Variants in DOCK10 observed in about 807,000 individuals in gnomAD.
DOCK10 encodes the protein dedicator of cytokinesis protein 10.
DOCK10 carries 145 observed loss-of-function variants against 280.1 expected under a neutral mutation model. The observed-to-expected ratio is 0.52, with a 90% confidence interval of 0.45 to 0.59. DOCK10 has a LOEUF of 0.59. Among genes scored for constraint, DOCK10 ranks in the 20% least tolerant of loss-of-function variants. The pLI is 0.00. For synonymous variants in DOCK10, 915 were observed against 942.2 expected (o/e 0.97, Z 0.53); for missense variants, 2,368 against 2,651.7 (o/e 0.89, Z 2.35).
At position 224,830,533 on chromosome 2, in the gene DOCK10, G is replaced by A. The variant is rs139748043; in HGVS notation, c.3036+8C>T. 2.1e-4 allele frequency: 291 copies of A among 1,394,618 alleles called. 1 individual carries two copies. The East Asian group carries it at 7.3e-3, about 35-fold the overall frequency. The allele number at this position is 1,394,618 out of a possible 1,614,324, so 86.4% of individuals were successfully genotyped here. On this transcript the variant is annotated splice_region_variant and intron_variant, in intron 27 of 55. Coordinates refer to ENST00000258390, the MANE Select transcript of DOCK10 (RefSeq NM_014689.3). ...AATATTATAATATTATATTACTTAT[G>A]TTCTTACCTGGATTTTATTTGTGTC... is the stretch of plus-strand genomic sequence containing the variant.
intron 55 of DOCK10, chr2:224,768,842 C>T (rs1690227160): frequency 2.2e-6 from 1 of 454,834 alleles, no homozygotes; most frequent in South Asian, 1.6e-5. Flanking sequence ...CCACAGAGGA[C>T]AGAGTAGACA....
intron 1 of DOCK10, chr2:224,982,415 T>C (rs1705798225): frequency 1.6e-6 from 2 of 1,231,262 alleles, no homozygotes; most frequent in Non-Finnish European, 2.0e-6. Flanking sequence ...TGATGCTATG[T>C]TTGCAAAACA....
chr2:224,952,887 C>G (rs1019298853), intron 1 of DOCK10, among the ~76,000 whole-genome samples: 1 of 152,192 alleles, frequency 6.6e-6, no homozygotes, highest in African/African-American at 2.4e-5. Flanking sequence ...CCACCGCGCC[C>G]GGCCTATGTT....
At chr2:224,769,337 C>T (rs1690265845) in intron 55 of DOCK10, among the ~76,000 whole-genome samples, 1 of 152,212 alleles carries the variant, frequency 6.6e-6, no homozygotes. Context: ...TCATACAACA[C>T]ACTTCATGGT....
intron 1 of DOCK10, among the ~76,000 whole-genome samples, chr2:224,967,540 T>C (rs867229667): frequency 6.6e-6 from 1 of 152,192 alleles, no homozygotes; most frequent in African/African-American, 2.4e-5. Context: ...GTTGCCACTT[T>C]ACTTGGTGAC....
chr2:224,819,209 C>T (rs1391836393), intron 29 of DOCK10, among the ~76,000 whole-genome samples: 7 of 152,182 alleles, frequency 4.6e-5, no homozygotes, highest in African/African-American at 1.4e-4. Flanking sequence ...TTCTCTTCAC[C>T]ACCCACAGGA....
intron 2 of DOCK10, among the ~76,000 whole-genome samples, chr2:224,923,281 G>C (rs144747570): frequency 2.6e-5 from 4 of 152,302 alleles, no homozygotes; most frequent in African/African-American, 9.6e-5. Flanking sequence ...GTATATAGTA[G>C]TGATAGAATC....
intron 2 of DOCK10, among the ~76,000 whole-genome samples, chr2:224,929,635 T>G (rs1329534924): frequency 6.6e-6 from 1 of 152,202 alleles, no homozygotes; most frequent in Non-Finnish European, 1.5e-5. Context: ...TTCAGTGTAT[T>G]TATTGGAATG....
At position 224,844,799 on chromosome 2, in the gene DOCK10, G is replaced by T; in HGVS notation, c.2522C>A (p.Pro841Gln). 6.2e-7 allele frequency: 1 copy of T among 1,606,364 alleles called. No individual in the cohort carries two copies. The highest frequency in any genetic ancestry group is 2.2e-5 in the East Asian group (1 of 44,752). ...SDIKWVDGGK[P>Q]LFKVSTFVVS... ...AACAAATGTCGACACTTTGAAAAGT[G>T]GTTTGCCACCATCAACCCATTTAAT... Residue 841 changes from proline to glutamine, a missense_variant, in exon 22 of 56, where the codon CCA becomes CAA. Pro to Gln is a moderately conservative substitution (Grantham distance 76, BLOSUM62 -1). Coordinates refer to ENST00000258390, the MANE Select transcript of DOCK10 (RefSeq NM_014689.3).
chr2:224,843,616 G>A (rs1172917711), intron 22 of DOCK10, among the ~76,000 whole-genome samples: 1 of 152,048 alleles, frequency 6.6e-6, no homozygotes, highest in Non-Finnish European at 1.5e-5. Context: ...TTTTTCTTAT[G>A]GATCAAGTAT....
At chr2:224,838,795 A>T (rs1037766669) in intron 24 of DOCK10, among the ~76,000 whole-genome samples, 5 of 152,230 alleles carry the variant, frequency 3.3e-5, no homozygotes, top group Non-Finnish European at 7.3e-5. Context: ...AATTCAAAGC[A>T]CTATCTCTAT....
At chr2:225,033,331 T>C (rs188140) in intron 1 of DOCK10, among the ~76,000 whole-genome samples, 124,962 of 151,840 alleles carry the variant, frequency 0.82, 51,591 homozygotes, top group Middle Eastern at 0.89. Flanking sequence ...TACAGGTGCA[T>C]GCCACCACGC....
chr2:225,018,818 C>G (rs1407182254), intron 1 of DOCK10, among the ~76,000 whole-genome samples: 1 of 140,588 alleles, frequency 7.1e-6, no homozygotes, highest in Non-Finnish European at 1.5e-5. Context: ...GATATATATG[C>G]ATATATGTAT....
At chr2:224,780,018 A>G (rs967869233) in intron 50 of DOCK10, among the ~76,000 whole-genome samples, 10 of 152,198 alleles carry the variant, frequency 6.6e-5, no homozygotes, top group Non-Finnish European at 1.3e-4. Flanking sequence ...TGAATGAAAG[A>G]GTTCTTAAAG....
chr2:224,983,815 G>A, intron 1 of DOCK10: 1 of 470,974 alleles, frequency 2.1e-6, no homozygotes, highest in Non-Finnish European at 4.4e-6. Flanking sequence ...TAGTGCTGCT[G>A]GAAAAAGAAG....
At chr2:224,862,802 TATAAA>T (rs1471013679) in intron 13 of DOCK10, 56 bp from the exon 14 acceptor site, 9 of 1,016,088 alleles carry the variant, frequency 8.9e-6, no homozygotes, top group Admixed American at 2.7e-5. Flanking sequence ...AAACTGTACA[TATAAA>T]ATAATACTAA....
chr2:224,768,585 T>C (rs1163733636), intron 55 of DOCK10, among the ~76,000 whole-genome samples: 1 of 152,234 alleles, frequency 6.6e-6, no homozygotes, highest in Non-Finnish European at 1.5e-5. Flanking sequence ...TTAGCAGTTT[T>C]AGGTACAGCA....
intron 2 of DOCK10, among the ~76,000 whole-genome samples, chr2:224,920,333 C>T (rs1451977155): frequency 1.3e-5 from 2 of 151,206 alleles, no homozygotes; most frequent in African/African-American, 2.4e-5. Flanking sequence ...CTCGGCTTCT[C>T]AAAGTGCTGG....
At chr2:224,841,638 T>A (rs1241152615) in intron 23 of DOCK10, among the ~76,000 whole-genome samples, 166 bp downstream of exon 23, 1 of 152,228 alleles carries the variant, frequency 6.6e-6, no homozygotes, top group East Asian at 1.9e-4. Flanking sequence ...AAACAGAAAC[T>A]ATTCAGAAAT....
Sources: allele counts gnomAD v4.1 joint callset (sites outside exome capture counted in the v4.1 genomes callset), GRCh38; gene constraint gnomAD v4.1.1; transcripts MANE v1.5; gene names NCBI Gene and HGNC (gene_info 2026-07-23, HGNC 2026-07-21).